The following FMN1 variants were observed in gnomAD, a reference collection of about 807,000 sequenced individuals.
FMN1 encodes formin 1.
Under a neutral mutation model 132.4 loss-of-function variants are expected in FMN1, and 110 were observed. The ratio of observed to expected loss-of-function variants is 0.83; its 90% CI spans 0.71 to 0.97. FMN1 has a LOEUF of 0.97. Among genes scored for constraint, FMN1 ranks in the 50% least tolerant of loss-of-function variants. FMN1 has a pLI of 0.00. For synonymous variants in FMN1, 722 were observed against 651.7 expected (o/e 1.11, Z -1.64); for missense variants, 1,792 against 1,705.3 (o/e 1.05, Z -0.90).
intron 12 of FMN1, among the ~76,000 whole-genome samples, chr15:32,906,106 G>A (rs1051227831): frequency 6.6e-6 from 1 of 152,056 alleles, no homozygotes; most frequent in African/African-American, 2.4e-5. Context: ...TCTAAGTCCC[G>A]GCAATTAGAA....
intron 6 of FMN1, among the ~76,000 whole-genome samples, chr15:33,019,767 G>C (rs2035316168): frequency 6.6e-6 from 1 of 152,214 alleles, no homozygotes; most frequent in African/African-American, 2.4e-5. Flanking sequence ...AGGCCACTCG[G>C]AGTGCGGGGC....
chr15:32,807,041 TG>T (rs760797131), intron 17 of FMN1, among the ~76,000 whole-genome samples: 10 of 152,182 alleles, frequency 6.6e-5, no homozygotes, highest in Non-Finnish European at 1.5e-4. Context: ...TAGCCTTAAT[TG>T]TAGAAAACTG....
At chr15:32,956,696 C>T (rs1235808909) in intron 9 of FMN1, among the ~76,000 whole-genome samples, 2 of 152,062 alleles carry the variant, frequency 1.3e-5, no homozygotes, top group Admixed American at 6.5e-5. Flanking sequence ...ACGTGAAAAA[C>T]GTAAAGGGGT....
chr15:32,785,236 T>TTTTTG (rs2056836427), intron 19 of FMN1, among the ~76,000 whole-genome samples: 1 of 115,856 alleles, frequency 8.6e-6, no homozygotes, highest in African/African-American at 3.1e-5. Flanking sequence ...TTTTTTTTTT[T>TTTTTG]TGTAGAGATG....
At chr15:32,886,894 C>T (rs952062329) in intron 16 of FMN1, among the ~76,000 whole-genome samples, 1 of 152,162 alleles carries the variant, frequency 6.6e-6, no homozygotes, top group African/African-American at 2.4e-5. Flanking sequence ...AAGGATACAA[C>T]CGCCAATTCT....
chr15:32,901,322 A>T (rs1567357161), intron 13 of FMN1, among the ~76,000 whole-genome samples: 2 of 152,234 alleles, frequency 1.3e-5, no homozygotes, highest in Non-Finnish European at 2.9e-5. Flanking sequence ...CATTTCTCCA[A>T]ATAAGGAACA....
intron 6 of FMN1, among the ~76,000 whole-genome samples, chr15:33,047,150 T>A (rs751718425): frequency 1.3e-5 from 2 of 152,252 alleles, no homozygotes; most frequent in African/African-American, 2.4e-5. Context: ...TTCTGGTTAA[T>A]GTCTGTGTGG....
intron 6 of FMN1, chr15:33,013,001 T>C (rs2034818014): frequency 4.9e-5 from 21 of 428,242 alleles, no homozygotes; most frequent in South Asian, 3.5e-4. Flanking sequence ...AGCCAGTACT[T>C]TGCCAAACCA....
rs957686703 is a variant in FMN1 at position 33,088,871 on chromosome 15, T to C, written c.1971A>G (p.Gly657=). ...GGAWVLGYRA[G]PACPFLLHEE... is the part of the protein sequence containing the mutation. Reference sequence around the variant, plus strand: ...CATGAAGCAAAAATGGACAGGCTGGTCCCGCTCTGTAGCCCAGAACCCACG... The same window carrying C: ...CATGAAGCAAAAATGGACAGGCTGGCCCCGCTCTGTAGCCCAGAACCCACG... Residue 657 remains glycine (G), a synonymous_variant, in exon 5 of 21, where the codon GGA becomes GGG. Coordinates refer to ENST00000616417, the MANE Select transcript of FMN1 (RefSeq NM_001277313.2). The C allele has an allele frequency of 9.1e-6, 14 of 1,535,876 alleles. No homozygotes were observed.
chr15:32,831,813 TGTCA>T (rs1379602722), intron 17 of FMN1, among the ~76,000 whole-genome samples: 8 of 150,902 alleles, frequency 5.3e-5, no homozygotes, highest in African/African-American at 1.7e-4. Context: ...CTGTTCCCGG[TGTCA>T]GTAAGTAAAA....
chr15:33,103,583 C>G (rs2039373665), intron 4 of FMN1, among the ~76,000 whole-genome samples: 1 of 152,088 alleles, frequency 6.6e-6, no homozygotes, highest in Non-Finnish European at 1.5e-5. Flanking sequence ...AATGTGTTCT[C>G]TAATTTTATC....
intron 5 of FMN1, among the ~76,000 whole-genome samples, chr15:33,086,255 T>TAAAAAAAAAA (rs552991552): frequency 2.3e-5 from 2 of 85,248 alleles, no homozygotes; most frequent in Non-Finnish European, 2.5e-5. Context: ...CATCTCAAAT[T>TAAAAAAAAAA]AAAAAAAAAA....
At chr15:33,008,841 G>A (rs1009599981) in intron 6 of FMN1, among the ~76,000 whole-genome samples, 1 of 152,130 alleles carries the variant, frequency 6.6e-6, no homozygotes, top group African/African-American at 2.4e-5. Flanking sequence ...AGAACCACAA[G>A]ACAAAAATGC....
chr15:33,094,809 T>C (rs2039020341), intron 4 of FMN1, among the ~76,000 whole-genome samples: 1 of 152,216 alleles, frequency 6.6e-6, no homozygotes, highest in African/African-American at 2.4e-5. Context: ...GAAACTTATG[T>C]GTGGCCATAG....
chr15:32,984,461 T>C (rs527785640), intron 7 of FMN1, among the ~76,000 whole-genome samples: 1 of 152,272 alleles, frequency 6.6e-6, no homozygotes, highest in East Asian at 1.9e-4. Flanking sequence ...GTTCCTACTC[T>C]GTAAAATGAG....
chr15:32,921,670 CTTTTTTTTCTTTTTTT>C (rs1567396403), intron 10 of FMN1, among the ~76,000 whole-genome samples: 1 of 111,704 alleles, frequency 9.0e-6, no homozygotes, highest in Non-Finnish European at 1.8e-5. Flanking sequence ...CCAGCTGTGT[CTTTTTTTTCTTTTTTT>C]TTTTTTCGAG....
At chr15:32,992,300 T>C (rs1476170635) in intron 7 of FMN1, among the ~76,000 whole-genome samples, 1 of 152,166 alleles carries the variant, frequency 6.6e-6, no homozygotes, top group Non-Finnish European at 1.5e-5. Context: ...TCAATGTTAG[T>C]TTTGCATGCT....
chr15:32,975,318 T>A (rs147382556), intron 7 of FMN1, among the ~76,000 whole-genome samples: 4 of 152,350 alleles, frequency 2.6e-5, no homozygotes, highest in African/African-American at 9.6e-5. Flanking sequence ...CTCCAGAGCA[T>A]CACACACTGC....
intron 9 of FMN1, among the ~76,000 whole-genome samples, chr15:32,945,141 C>T (rs2061482118): frequency 6.6e-6 from 1 of 152,048 alleles, no homozygotes; most frequent in African/African-American, 2.4e-5. Flanking sequence ...GCTGCTGGTC[C>T]ATGGACATTT....
Sources: gnomAD v4.1 joint callset for allele counts (sites outside exome capture counted in the v4.1 genomes callset) on GRCh38, gnomAD v4.1.1 for gene constraint, MANE v1.5 for transcripts, NCBI Gene and HGNC (gene_info 2026-07-23, HGNC 2026-07-21) for gene names.